Variants in ASTN2 observed in about 807,000 individuals in gnomAD.
The protein encoded by ASTN2 is astrotactin-2.
In ASTN2, 54 loss-of-function variants were observed where a neutral mutation model predicts 139.8. The ratio of observed to expected loss-of-function variants is 0.39; its 90% confidence interval spans 0.31 to 0.48. The LOEUF (loss-of-function observed/expected upper bound fraction) is 0.48. ASTN2 is among the 20% of genes least tolerant of loss of function. The pLI, the probability that ASTN2 is intolerant of heterozygous loss-of-function variation, is 0.95. For synonymous variants in ASTN2, 756 were observed against 719.5 expected (o/e 1.05, Z -0.81); for missense variants, 1,565 against 1,725.1 (o/e 0.91, Z 1.64).
chr9:117,130,678 T>C (rs913369263), intron 4 of ASTN2, among the ~76,000 whole-genome samples: 2 of 152,258 alleles, frequency 1.3e-5, no homozygotes, highest in Non-Finnish European at 2.9e-5. Flanking sequence ...GTCAGCCATA[T>C]TGCTGAAAGT....
chr9:117,249,575 C>T (rs1318620195), intron 2 of ASTN2, among the ~76,000 whole-genome samples: 4 of 152,074 alleles, frequency 2.6e-5, no homozygotes, highest in South Asian at 4.1e-4. Flanking sequence ...CTAAGCATGA[C>T]GATCGAAGGC....
At position 116,477,042 on chromosome 9, in the gene ASTN2, C is replaced by T. The variant is rs184514815; in HGVS notation, c.3497+10317G>A. ...AGCGCAGCCTCAGCTCCCACCCCCTCCCCACTCCACAAGGTCACATGAGCA... is the reference window on the plus strand; with the variant it reads ...AGCGCAGCCTCAGCTCCCACCCCCTTCCCACTCCACAAGGTCACATGAGCA... On this transcript the variant is annotated intron_variant, in intron 20 of 22. Coordinates refer to ENST00000313400, the MANE Select transcript of ASTN2 (RefSeq NM_001365068.1). Among the ~76,000 whole-genome samples, 33 of 152,162 alleles carry T rather than the reference C, an allele frequency of 2.2e-4. No homozygotes were observed. The East Asian group carries it at 6.0e-3, about 28-fold the overall frequency.
At chr9:117,230,128 A>G (rs1832844164) in intron 2 of ASTN2, among the ~76,000 whole-genome samples, 1 of 151,134 alleles carries the variant, frequency 6.6e-6, no homozygotes, top group African/African-American at 2.4e-5. Context: ...AAAAAAAAAA[A>G]AAGCCCTATT....
At chr9:116,933,405 G>A (rs1834967050) in intron 10 of ASTN2, among the ~76,000 whole-genome samples, 1 of 151,978 alleles carries the variant, frequency 6.6e-6, no homozygotes, top group African/African-American at 2.4e-5. Flanking sequence ...AAGGGGAGCC[G>A]GAGTGAAGGT....
chr9:116,869,199 G>GA (rs888812933), intron 10 of ASTN2, among the ~76,000 whole-genome samples: 2 of 150,160 alleles, frequency 1.3e-5, no homozygotes, highest in African/African-American at 2.4e-5. Context: ...AAGAAAGAAA[G>GA]AAAAAAAAAT....
intron 10 of ASTN2, among the ~76,000 whole-genome samples, chr9:116,870,437 T>C (rs1029681447): frequency 2.6e-5 from 4 of 152,232 alleles, no homozygotes; most frequent in Non-Finnish European, 4.4e-5. Context: ...ATTCATTCAA[T>C]AAATATCTGA....
chr9:116,761,599 G>T (rs1313952099), intron 13 of ASTN2, among the ~76,000 whole-genome samples: 1 of 152,152 alleles, frequency 6.6e-6, no homozygotes, highest in African/African-American at 2.4e-5. Context: ...TAGGCATGAG[G>T]AATCCCAGGG....
intron 3 of ASTN2, among the ~76,000 whole-genome samples, chr9:117,141,697 T>A (rs1026447599): frequency 2.0e-5 from 3 of 152,220 alleles, no homozygotes; most frequent in Non-Finnish European, 4.4e-5. Flanking sequence ...TACTTATGTA[T>A]TCAACATTTA....
At chr9:116,747,185 C>A (rs1829264308) in intron 13 of ASTN2, among the ~76,000 whole-genome samples, 1 of 152,196 alleles carries the variant, frequency 6.6e-6, no homozygotes. Context: ...TCTCATTTCA[C>A]ATGCACAACA....
intron 5 of ASTN2, among the ~76,000 whole-genome samples, chr9:117,044,643 A>G (rs958278423): frequency 6.6e-6 from 1 of 152,212 alleles, no homozygotes; most frequent in African/African-American, 2.4e-5. Context: ...TAAGATGCAG[A>G]GACAGAAAAG....
At chr9:117,227,710 G>A (rs1832760200) in intron 2 of ASTN2, among the ~76,000 whole-genome samples, 1 of 152,172 alleles carries the variant, frequency 6.6e-6, no homozygotes, top group African/African-American at 2.4e-5. Context: ...GGATAATGAA[G>A]ACACAAATGT....
chr9:117,367,885 G>A (rs972489096), intron 1 of ASTN2, among the ~76,000 whole-genome samples: 2 of 152,088 alleles, frequency 1.3e-5, no homozygotes, highest in South Asian at 2.1e-4. Flanking sequence ...TCATTTGCAC[G>A]AGTTACCTCT....
At chr9:116,471,436 C>A (rs575671578) in intron 20 of ASTN2, among the ~76,000 whole-genome samples, 2 of 152,294 alleles carry the variant, frequency 1.3e-5, no homozygotes, top group South Asian at 4.2e-4. Context: ...CAGGGCCTCT[C>A]CCTCCCCTTC....
intron 1 of ASTN2, among the ~76,000 whole-genome samples, chr9:117,322,275 C>T (rs977495722): frequency 1.3e-5 from 2 of 152,150 alleles, no homozygotes; most frequent in Non-Finnish European, 2.9e-5. Flanking sequence ...AGGGGAAGGT[C>T]TCTTCTTCAT....
intron 16 of ASTN2, among the ~76,000 whole-genome samples, chr9:116,711,407 G>A (rs1176160095): frequency 5.3e-5 from 8 of 152,170 alleles, no homozygotes; most frequent in Non-Finnish European, 1.0e-4. Context: ...AGTAGCTTAA[G>A]AAAACAAATT....
chr9:117,060,342 GAGAGAA>G (rs1564406187), intron 5 of ASTN2, among the ~76,000 whole-genome samples: 21 of 66,480 alleles, frequency 3.2e-4, no homozygotes, highest in African/African-American at 1.2e-3. Context: ...AAGAAAGAAA[GAGAGAA>G]AGAAAGAAAG....
intron 19 of ASTN2, chr9:116,612,205 C>T (rs904112810): frequency 2.6e-5 from 4 of 152,256 alleles, no homozygotes; most frequent in Middle Eastern, 3.4e-3. Flanking sequence ...AATATAGGAG[C>T]ACCCAGATTC....
At chr9:116,678,354 A>T (rs899051962) in intron 16 of ASTN2, among the ~76,000 whole-genome samples, 23 of 152,232 alleles carry the variant, frequency 1.5e-4, no homozygotes, top group Middle Eastern at 3.2e-3. Context: ...CCCCTAGTAC[A>T]TAATTAAAAT....
At chr9:117,024,538 C>T (rs568878091) in intron 6 of ASTN2, among the ~76,000 whole-genome samples, 9 of 151,866 alleles carry the variant, frequency 5.9e-5, no homozygotes, top group South Asian at 2.1e-4. Flanking sequence ...AGTCCCTGCC[C>T]GAAAGTAGTG....
Sources: gnomAD v4.1 joint callset for allele counts (sites outside exome capture counted in the v4.1 genomes callset) on GRCh38, gnomAD v4.1.1 for gene constraint, MANE v1.5 for transcripts, NCBI Gene and HGNC (gene_info 2026-07-23, HGNC 2026-07-21) for gene names.